Variants in PAK1 observed in about 807,000 individuals in gnomAD.
PAK1 encodes the protein serine/threonine-protein kinase PAK 1.
Under a neutral mutation model 67.4 loss-of-function variants are expected in PAK1, and 29 were observed. The observed-to-expected ratio is 0.43, with a 90% CI of 0.32 to 0.59. PAK1 has a LOEUF of 0.59. PAK1 is among the 20% of genes least tolerant of loss of function. The pLI, the probability that PAK1 is intolerant of heterozygous loss-of-function variation, is 0.07. For missense variants in PAK1, 337 were observed against 670.7 expected, an observed-to-expected ratio of 0.50 and a Z score of 5.50; for synonymous variants, 223 against 237.4, an observed-to-expected ratio of 0.94 and a Z score of 0.56.
intron 1 of PAK1, among the ~76,000 whole-genome samples, chr11:77,460,597 A>G (rs1287377350): frequency 1.3e-5 from 2 of 151,942 alleles, no homozygotes; most frequent in African/African-American, 2.4e-5. Flanking sequence ...TCCTTTAAGT[A>G]GAATGTTTGA....
chr11:77,452,258 T>C (rs899281737), intron 1 of PAK1, among the ~76,000 whole-genome samples: 1 of 152,188 alleles, frequency 6.6e-6, no homozygotes, highest in Non-Finnish European at 1.5e-5. Flanking sequence ...CTTAAGGAAG[T>C]GATATTACTT....
intron 9 of PAK1, among the ~76,000 whole-genome samples, chr11:77,348,851 C>T (rs549321403): frequency 7.2e-5 from 11 of 152,232 alleles, no homozygotes; most frequent in Non-Finnish European, 1.3e-4. Context: ...CAGCTGGGCA[C>T]ACTGGCTCAT....
At chr11:77,444,979 A>G (rs927083481) in intron 1 of PAK1, among the ~76,000 whole-genome samples, 8 of 152,044 alleles carry the variant, frequency 5.3e-5, no homozygotes, top group African/African-American at 1.9e-4. Flanking sequence ...GTCTCAAAAA[A>G]AAAAAAATGT....
chr11:77,511,269 T>G, the PAK1 span, among the ~76,000 whole-genome samples: 2 of 152,158 alleles, frequency 1.3e-5, no homozygotes, highest in African/African-American at 4.8e-5. Context: ...AGGATGGTGG[T>G]GGCAAAAACA....
chr11:77,507,765 A>G, the PAK1 span, among the ~76,000 whole-genome samples: 2 of 152,188 alleles, frequency 1.3e-5, no homozygotes, highest in South Asian at 2.1e-4. Flanking sequence ...GCCTCAAGCA[A>G]TCCTCTCACC....
intron 8 of PAK1, among the ~76,000 whole-genome samples, chr11:77,351,003 G>A (rs907159551): frequency 2.6e-5 from 4 of 151,848 alleles, no homozygotes; most frequent in African/African-American, 9.7e-5. Flanking sequence ...AGCTACTTAG[G>A]CCCACTGCTT....
intron 1 of PAK1, among the ~76,000 whole-genome samples, chr11:77,435,664 T>G (rs866783328): frequency 7.0e-6 from 1 of 142,268 alleles, no homozygotes; most frequent in Non-Finnish European, 1.5e-5. Flanking sequence ...TGGCTTTTTT[T>G]TTTTTTTTTT....
chr11:77,475,719 C>T (rs1178718143), upstream of PAK1: 1 of 152,142 alleles, frequency 6.6e-6, no homozygotes, highest in Non-Finnish European at 1.5e-5. Context: ...TTTCCCTAAG[C>T]CTTAACAAAA....
chr11:77,466,371 A>G (rs974784580), intron 1 of PAK1, among the ~76,000 whole-genome samples: 2 of 152,210 alleles, frequency 1.3e-5, no homozygotes, highest in Non-Finnish European at 2.9e-5. Context: ...TGGGAGGCAG[A>G]AGCGGGCAGA....
chr11:77,482,060 C>T, the PAK1 span, among the ~76,000 whole-genome samples: 1 of 151,996 alleles, frequency 6.6e-6, no homozygotes, highest in East Asian at 1.9e-4. Flanking sequence ...ACGATCTTGG[C>T]TCACTGCAAG....
chr11:77,499,614 A>G, the PAK1 span, among the ~76,000 whole-genome samples: 71 of 152,326 alleles, frequency 4.7e-4, no homozygotes, highest in Non-Finnish European at 8.5e-4. Context: ...CTTTAGAGGA[A>G]GTAGGTACTG....
chr11:77,373,105 T>C (rs1948643129), intron 5 of PAK1, among the ~76,000 whole-genome samples: 1 of 152,204 alleles, frequency 6.6e-6, no homozygotes, highest in African/African-American at 2.4e-5. Flanking sequence ...TCTTAGGTAC[T>C]GGGACATGTC....
At chr11:77,444,557 ATCT>A (rs1298658091) in intron 1 of PAK1, among the ~76,000 whole-genome samples, 4 of 152,240 alleles carry the variant, frequency 2.6e-5, no homozygotes, top group African/African-American at 9.6e-5. Context: ...GAAGCAAAAC[ATCT>A]TCTATTATTG....
At chr11:77,391,555 T>C (rs1951145174) in intron 2 of PAK1, among the ~76,000 whole-genome samples, 1 of 152,104 alleles carries the variant, frequency 6.6e-6, no homozygotes, top group Non-Finnish European at 1.5e-5. Flanking sequence ...GGCCCACAAA[T>C]ATAAGGAGAA....
At chr11:77,378,736 C>T (rs1949423004) in intron 4 of PAK1, among the ~76,000 whole-genome samples, 1 of 152,164 alleles carries the variant, frequency 6.6e-6, no homozygotes, top group Non-Finnish European at 1.5e-5. Context: ...CACAGGGATG[C>T]ACCACCACAC....
At chr11:77,337,874 A>T (rs1357080566) in intron 11 of PAK1, among the ~76,000 whole-genome samples, 5 of 152,212 alleles carry the variant, frequency 3.3e-5, no homozygotes, top group Non-Finnish European at 5.9e-5. Flanking sequence ...TTTGGTGAGG[A>T]GATATTTTGT....
intron 1 of PAK1, among the ~76,000 whole-genome samples, chr11:77,457,016 C>T (rs1957112297): frequency 6.6e-6 from 1 of 152,162 alleles, no homozygotes; most frequent in African/African-American, 2.4e-5. Flanking sequence ...GCTGGGATTA[C>T]AGGCATGAAC....
At chr11:77,425,160 C>T (rs1193343905) in intron 1 of PAK1, among the ~76,000 whole-genome samples, 1 of 151,868 alleles carries the variant, frequency 6.6e-6, no homozygotes, top group Non-Finnish European at 1.5e-5. Context: ...TTTATAAACT[C>T]AAAAGTGGCT....
intron 1 of PAK1, among the ~76,000 whole-genome samples, chr11:77,421,661 G>A (rs1955270124): frequency 6.6e-6 from 1 of 152,126 alleles, no homozygotes; most frequent in Non-Finnish European, 1.5e-5. Context: ...AGACCAGTCA[G>A]AAAAAAAGCT....
Sources: gnomAD v4.1 joint callset for allele counts (sites outside exome capture counted in the v4.1 genomes callset) on GRCh38, gnomAD v4.1.1 for gene constraint, MANE v1.5 for transcripts, NCBI Gene and HGNC (gene_info 2026-07-23, HGNC 2026-07-21) for gene names.